EIF4G3: variants seen among roughly 807,000 people sequenced by gnomAD.
EIF4G3 encodes the protein eIF-4-gamma 3.
EIF4G3 carries 34 observed loss-of-function variants against 186.4 expected under a neutral mutation model. The ratio of observed to expected loss-of-function variants is 0.18; its 90% CI spans 0.14 to 0.24. EIF4G3 has a LOEUF of 0.24. Among genes scored for constraint, EIF4G3 ranks in the 10% least tolerant of loss-of-function variants. EIF4G3 has a pLI of 1.00. For missense variants in EIF4G3, 1,536 were observed against 1,948.5 expected, an observed-to-expected ratio of 0.79 and a Z score of 3.99; for synonymous variants, 673 against 679.5, an observed-to-expected ratio of 0.99 and a Z score of 0.15.
chr1:21,145,421 A>C (rs188513982), intron 2 of EIF4G3, among the ~76,000 whole-genome samples: 1 of 151,632 alleles, frequency 6.6e-6, no homozygotes, highest in Non-Finnish European at 1.5e-5. Context: ...AAAAGTGTCC[A>C]GTTTATTTTA....
intron 3 of EIF4G3, among the ~76,000 whole-genome samples, chr1:21,065,397 CAA>C (rs3081969): frequency 1.4e-4 from 17 of 124,054 alleles, no homozygotes; most frequent in Admixed American, 2.5e-4. Context: ...TTGTTTCTAC[CAA>C]AAAAAAAAAA....
rs765875477 is a variant in EIF4G3 at position 20,942,301 on chromosome 1, T to C, written c.853A>G (p.Lys285Glu). 9.4e-6 allele frequency: 15 copies of C among 1,590,052 alleles called. No homozygotes were observed. Among genetic ancestry groups the C allele is most frequent in the Non-Finnish European group, 1.3e-5 (15 of 1,171,686 alleles). ...EEKPKPDPVL[K>E]SPSPVLRLVL... Reference sequence around the variant, plus strand: ...AGCCTAAGGACTGGGGAAGGAGACTTTAACACTGGATCTGGTTTTGGCTTC... The same window carrying C: ...AGCCTAAGGACTGGGGAAGGAGACTCTAACACTGGATCTGGTTTTGGCTTC... The change falls in exon 14 of 37, where the codon AAG becomes GAG. Residue 285 changes from lysine to glutamate, a missense_variant. Transcript: ENST00000602326.
chr1:20,978,859 A>G (rs775053898), intron 10 of EIF4G3, among the ~76,000 whole-genome samples: 36 of 152,088 alleles, frequency 2.4e-4, no homozygotes, highest in Non-Finnish European at 4.3e-4. Context: ...CTTCTCTAAA[A>G]GAAGTAAAGC....
chr1:20,982,487 A>G, intron 7 of EIF4G3, 79 bp from the exon 8 acceptor site: 1 of 1,048,138 alleles, frequency 9.5e-7, no homozygotes, highest in East Asian at 2.8e-5. Flanking sequence ...TGGAAGGGAC[A>G]GGAAATAGCA....
chr1:21,151,291 T>A (rs559376425), intron 2 of EIF4G3, among the ~76,000 whole-genome samples: 1 of 129,756 alleles, frequency 7.7e-6, no homozygotes. Context: ...CAGGCTGGAG[T>A]GCAGTGGCAC....
chr1:20,876,766 C>T (rs984534896), intron 20 of EIF4G3, among the ~76,000 whole-genome samples: 3 of 152,046 alleles, frequency 2.0e-5, no homozygotes, highest in Non-Finnish European at 2.9e-5. Context: ...GAGGCCAAGG[C>T]GGGAAGAGCA....
At chr1:21,069,839 G>A (rs2095389755) in intron 3 of EIF4G3, among the ~76,000 whole-genome samples, 1 of 152,154 alleles carries the variant, frequency 6.6e-6, no homozygotes, top group Admixed American at 6.5e-5. Context: ...TGACTGTGAG[G>A]TTTGTCGAAA....
At chr1:21,077,103 AG>A (rs2100629620) in intron 3 of EIF4G3, among the ~76,000 whole-genome samples, 1 of 152,360 alleles carries the variant, frequency 6.6e-6, no homozygotes, top group South Asian at 2.1e-4. Flanking sequence ...AAAGAAAAGA[AG>A]AAAAAAATCC....
chr1:21,107,638 T>C (rs1390664915), intron 2 of EIF4G3, among the ~76,000 whole-genome samples: 1 of 152,250 alleles, frequency 6.6e-6, no homozygotes, highest in Non-Finnish European at 1.5e-5. Flanking sequence ...GTGATACTAT[T>C]AGTGTGAGCA....
intron 12 of EIF4G3, among the ~76,000 whole-genome samples, chr1:20,957,766 A>G (rs944797064): frequency 2.6e-5 from 4 of 152,168 alleles, no homozygotes; most frequent in Admixed American, 6.5e-5. Flanking sequence ...GACTACTATG[A>G]ACAACTTTAT....
chr1:20,998,228 C>CACACA (rs2082718386), intron 6 of EIF4G3, among the ~76,000 whole-genome samples: 2 of 149,486 alleles, frequency 1.3e-5, no homozygotes, highest in African/African-American at 4.9e-5. Flanking sequence ...CACACACACA[C>CACACA]ACACACACAC....
At chr1:21,096,895 CT>C (rs2096386327) in intron 2 of EIF4G3, among the ~76,000 whole-genome samples, 1 of 152,098 alleles carries the variant, frequency 6.6e-6, no homozygotes, top group Non-Finnish European at 1.5e-5. Context: ...GTGAATGTAA[CT>C]TTAATGTGCT....
rs1389818608 is a variant in EIF4G3, at chr1:20,849,118, T to C, written c.3888+297A>G. 3.5e-5 allele frequency among the ~76,000 whole-genome samples: 5 copies of C among 143,096 alleles called. No individual in the cohort carries two copies. In the Admixed American group the frequency reaches 3.5e-4, roughly 10 times the overall value. 93.9% of individuals were successfully genotyped at this position (143,096 alleles called of 152,430 possible). A position where few individuals can be genotyped will look rare whatever the true frequency, so the allele number is the denominator to read the frequency against. On this transcript the variant is annotated intron_variant, in intron 29 of 36. Transcript: ENST00000602326. ...ACAGGGTGCCAGAAATGCTTCATAATGATAATGTGTTGTTTTTGTTCCTTA... is the reference window on the plus strand; with the variant it reads ...ACAGGGTGCCAGAAATGCTTCATAACGATAATGTGTTGTTTTTGTTCCTTA...
chr1:21,174,452 G>A lies in EIF4G3; in HGVS notation c.-272+1723C>T, dbSNP rs535777911. Among the ~76,000 whole-genome samples the A allele has an allele frequency of 6.3e-4, 96 of 152,252 alleles. 2 individuals carry two copies. In the South Asian group the frequency reaches 0.019, roughly 30 times the overall value. ...TGTACATCAAGGACACCTACTACAG[G>A]TTTCCTTTTATTTCTGTTCAATTGC... On this transcript the variant is annotated intron_variant, in intron 2 of 36. Coordinates refer to ENST00000602326, the MANE Select transcript of EIF4G3 (RefSeq NM_001391906.1).
chr1:21,118,950 A>G lies in EIF4G3; in HGVS notation c.-271-29737T>C, dbSNP rs972619542. Among the ~76,000 whole-genome samples the G allele has an allele frequency of 7.3e-5, 11 of 151,196 alleles. No homozygotes were observed. The East Asian group carries it at 2.1e-3, about 29-fold the overall frequency. Reference sequence around the variant, plus strand: ...CTCTATTAAAAAAAAAAAAAAAAAAAAAAAAGAGAAGAAATTTTGATTTTC... The same window carrying G: ...CTCTATTAAAAAAAAAAAAAAAAAAGAAAAAGAGAAGAAATTTTGATTTTC... On this transcript the variant is annotated intron_variant, in intron 2 of 36. Transcript: ENST00000602326.
chr1:20,883,368 C>T (rs754547007), intron 19 of EIF4G3, among the ~76,000 whole-genome samples: 11 of 152,126 alleles, frequency 7.2e-5, no homozygotes, highest in Non-Finnish European at 1.6e-4. Flanking sequence ...CCTGTAATCC[C>T]CGCACTTTGG....
chr1:21,082,186 C>CA (rs768875971), intron 3 of EIF4G3, among the ~76,000 whole-genome samples: 7 of 148,194 alleles, frequency 4.7e-5, no homozygotes, highest in Non-Finnish European at 5.9e-5. Context: ...ATACCAGATA[C>CA]AAAAAAGCAT....
At chr1:20,908,789 A>T (rs1479445301) in intron 14 of EIF4G3, among the ~76,000 whole-genome samples, 1 of 152,202 alleles carries the variant, frequency 6.6e-6, no homozygotes, top group Non-Finnish European at 1.5e-5. Context: ...AAAGTTTCAT[A>T]AACTTACCGG....
At chr1:21,108,358 AATATAT>A (rs1188064035) in intron 2 of EIF4G3, among the ~76,000 whole-genome samples, 1 of 152,178 alleles carries the variant, frequency 6.6e-6, no homozygotes, top group Non-Finnish European at 1.5e-5. Flanking sequence ...ATTTATATGT[AATATAT>A]ATAAACATGT....
Sources: allele counts gnomAD v4.1 joint callset (sites outside exome capture counted in the v4.1 genomes callset), GRCh38; gene constraint gnomAD v4.1.1; transcripts MANE v1.5; gene names NCBI Gene and HGNC (gene_info 2026-07-23, HGNC 2026-07-21).